The following GNG7 variants were observed in gnomAD, a reference collection of about 807,000 sequenced individuals.
The protein encoded by GNG7 is G protein subunit gamma 7.
A neutral mutation model predicts 4.0 loss-of-function variants in GNG7; 1 was observed. That is an observed-to-expected ratio of 0.25 (90% CI 0.09 to 1.18). GNG7 has a LOEUF of 1.18. Among genes scored for constraint, GNG7 ranks in the 50% most tolerant of loss-of-function variants. The probability of loss-of-function intolerance (pLI) is 0.50; values close to 1 mark genes in which losing one functional copy is unlikely to be tolerated. For missense variants in GNG7, 86 were observed against 91.9 expected, an observed-to-expected ratio of 0.94 and a Z score of 0.26; for synonymous variants, 34 against 36.9, an observed-to-expected ratio of 0.92 and a Z score of 0.29.
intron 2 of GNG7, among the ~76,000 whole-genome samples, chr19:2,627,870 C>G (rs969542972): frequency 6.6e-6 from 1 of 152,196 alleles, no homozygotes; most frequent in Admixed American, 6.5e-5. Flanking sequence ...AGGTGAGGAT[C>G]GGTCCCAGCA....
chr19:2,583,598 C>T (rs1325412430), intron 2 of GNG7, among the ~76,000 whole-genome samples: 1 of 152,214 alleles, frequency 6.6e-6, no homozygotes, highest in Non-Finnish European at 1.5e-5. Flanking sequence ...ATGAGTTTCC[C>T]ATTCCGCTCA....
chr19:2,566,452 G>A (rs1979911880), intron 2 of GNG7, among the ~76,000 whole-genome samples: 1 of 152,140 alleles, frequency 6.6e-6, no homozygotes, highest in East Asian at 1.9e-4. Flanking sequence ...GTGTCTAAAC[G>A]GCTAGGTCTG....
chr19:2,624,406 C>A (rs1054685783), intron 2 of GNG7, among the ~76,000 whole-genome samples: 1 of 151,478 alleles, frequency 6.6e-6, no homozygotes, highest in Non-Finnish European at 1.5e-5. Context: ...TGGTGGGCGC[C>A]TGTAGTCCCA....
intron 1 of GNG7, among the ~76,000 whole-genome samples, chr19:2,680,747 G>T (rs1228446055): frequency 6.6e-6 from 1 of 151,224 alleles, no homozygotes; most frequent in Admixed American, 6.6e-5. Context: ...GGCTAATTTT[G>T]TATTTTAGTA....
At chr19:2,540,325 A>T (rs1978916980) in intron 3 of GNG7, among the ~76,000 whole-genome samples, 1 of 151,500 alleles carries the variant, frequency 6.6e-6, no homozygotes, top group Non-Finnish European at 1.5e-5. Context: ...TAATTTTTTA[A>T]TTTTTTGTAG....
At chr19:2,536,446 A>AAAAGG (rs1978740240) in intron 3 of GNG7, among the ~76,000 whole-genome samples, 1 of 151,990 alleles carries the variant, frequency 6.6e-6, no homozygotes, top group African/African-American at 2.4e-5. Flanking sequence ...AAAAGAAAAG[A>AAAAGG]AAAGGGCCTC....
At chr19:2,664,615 T>G (rs1983259013) in intron 1 of GNG7, among the ~76,000 whole-genome samples, 1 of 152,124 alleles carries the variant, frequency 6.6e-6, no homozygotes, top group South Asian at 2.1e-4. Flanking sequence ...GCACCCTCAG[T>G]GCTCTAGAGA....
At chr19:2,578,028 G>T (rs569712927) in intron 2 of GNG7, among the ~76,000 whole-genome samples, 1 of 151,854 alleles carries the variant, frequency 6.6e-6, no homozygotes, top group African/African-American at 2.4e-5. Flanking sequence ...TTGTAGAGAC[G>T]GAGGTCTCGT....
At chr19:2,605,731 C>T (rs555283928) in intron 2 of GNG7, among the ~76,000 whole-genome samples, 1 of 151,930 alleles carries the variant, frequency 6.6e-6, no homozygotes, top group East Asian at 1.9e-4. Context: ...CCAGCATGGT[C>T]TCGATCTCCT....
chr19:2,657,403 CAT>C (rs1983025927), intron 1 of GNG7, among the ~76,000 whole-genome samples: 1 of 77,966 alleles, frequency 1.3e-5, no homozygotes. Flanking sequence ...TATATATACA[CAT>C]AATAACATTT....
intron 2 of GNG7, among the ~76,000 whole-genome samples, chr19:2,624,929 G>A (rs1435144523): frequency 6.6e-6 from 1 of 152,224 alleles, no homozygotes; most frequent in East Asian, 1.9e-4. Flanking sequence ...TCAGCTCAGG[G>A]CACAGAAGCC....
In GNG7 at chr19:2,695,915, T is replaced by C. The variant is rs1913233977; in HGVS notation, c.-135+6731A>G. 3.9e-5 allele frequency among the ~76,000 whole-genome samples: 6 copies of C among 151,992 alleles called. No individual in the cohort carries two copies. The South Asian group carries it at 1.2e-3, about 31-fold the overall frequency. ...GGCTCACGCCTGTAATCCCAGCACT[T>C]TGGGAGGCCGAGGCGGGCAGATCAC... On this transcript the variant is annotated intron_variant, in intron 1 of 4. Transcript: ENST00000382159.
chr19:2,586,856 G>A (rs1407008383), intron 2 of GNG7, among the ~76,000 whole-genome samples: 9 of 151,746 alleles, frequency 5.9e-5, no homozygotes, highest in Admixed American at 3.9e-4. Flanking sequence ...GTGGTGTCAC[G>A]TGCCTGTAGT....
chr19:2,638,086 C>T (rs867094062), intron 2 of GNG7, among the ~76,000 whole-genome samples: 2 of 151,978 alleles, frequency 1.3e-5, no homozygotes, highest in African/African-American at 2.4e-5. Context: ...ATGAATGGGC[C>T]GGGTGCGGTG....
intron 3 of GNG7, among the ~76,000 whole-genome samples, chr19:2,545,329 G>T (rs1018103960): frequency 2.0e-5 from 3 of 152,114 alleles, no homozygotes; most frequent in Admixed American, 2.0e-4. Flanking sequence ...GTGCCTAGGG[G>T]ACCCTGGTTT....
chr19:2,596,889 A>T (rs542071928), intron 2 of GNG7, among the ~76,000 whole-genome samples: 1 of 152,250 alleles, frequency 6.6e-6, no homozygotes, highest in Admixed American at 6.6e-5. Context: ...GATGAAAACA[A>T]ATTTTACTTT....
intron 2 of GNG7, among the ~76,000 whole-genome samples, chr19:2,616,244 A>C (rs1981720092): frequency 2.6e-5 from 4 of 151,832 alleles, no homozygotes; most frequent in African/African-American, 9.7e-5. Flanking sequence ...CCCCATCTCT[A>C]ATTTATTATT....
chr19:2,633,991 G>A lies in GNG7; in HGVS notation c.-78+12233C>T, dbSNP rs1434121062. Among the ~76,000 whole-genome samples the A allele has an allele frequency of 2.6e-5, 4 of 152,050 alleles. No homozygotes were observed. Among genetic ancestry groups the A allele is most frequent in the Non-Finnish European group, 4.4e-5 (3 of 67,992 alleles). On this transcript the variant is annotated intron_variant, in intron 2 of 4. Transcript: ENST00000382159. This position sits in a 1 kb window ranked among gnomAD's most constrained non-coding sequence, Gnocchi z 5.9. ...GACCCCCTGGGATAGGGGATTCCAC[G>A]GACCCCCAAGAGACTCCGCGTCCCA...
intron 2 of GNG7, among the ~76,000 whole-genome samples, chr19:2,578,023 G>A (rs949348445): frequency 1.3e-5 from 2 of 151,646 alleles, no homozygotes; most frequent in Non-Finnish European, 2.9e-5. Context: ...TTTTTTTGTA[G>A]AGACGGAGGT....
Sources: allele counts gnomAD v4.1 joint callset (sites outside exome capture counted in the v4.1 genomes callset), GRCh38; gene constraint gnomAD v4.1.1; non-coding constraint Gnocchi (gnomAD v3.1); transcripts MANE v1.5; gene names NCBI Gene and HGNC (gene_info 2026-07-23, HGNC 2026-07-21).